The following SYNPR variants were observed in gnomAD, a reference collection of about 807,000 sequenced individuals.
SYNPR encodes synaptoporin.
In SYNPR, 23 loss-of-function variants were observed where a neutral mutation model predicts 32.9. That is an observed-to-expected ratio of 0.70 (90% confidence interval 0.50 to 0.99). The LOEUF is 0.99. SYNPR is among the 50% of genes least tolerant of loss of function. The probability of loss-of-function intolerance (pLI) is 0.00; values close to 1 mark genes in which losing one functional copy is unlikely to be tolerated. For synonymous variants in SYNPR, 146 were observed against 135.9 expected, an observed-to-expected ratio of 1.07 and a Z score of -0.52; for missense variants, 318 against 349.3, an observed-to-expected ratio of 0.91 and a Z score of 0.71.
At chr3:63,357,923 T>C (rs990528536) in intron 2 of SYNPR, among the ~76,000 whole-genome samples, 10 of 152,230 alleles carry the variant, frequency 6.6e-5, no homozygotes, top group African/African-American at 1.9e-4. Context: ...GAGTAGCATT[T>C]AATTGTCATC....
intron 3 of SYNPR, among the ~76,000 whole-genome samples, chr3:63,500,072 A>G (rs143220301): frequency 6.6e-6 from 1 of 152,320 alleles, no homozygotes; most frequent in Non-Finnish European, 1.5e-5. Flanking sequence ...GACAATTTCT[A>G]GCAGGAAATA....
At chr3:63,375,867 C>A (rs977585727) in intron 2 of SYNPR, among the ~76,000 whole-genome samples, 1 of 152,144 alleles carries the variant, frequency 6.6e-6, no homozygotes, top group African/African-American at 2.4e-5. Context: ...ATCCACCAAA[C>A]ATGTCCACTT....
intron 2 of SYNPR, among the ~76,000 whole-genome samples, chr3:63,408,678 A>T (rs1334099970): frequency 6.6e-6 from 1 of 152,124 alleles, no homozygotes; most frequent in Non-Finnish European, 1.5e-5. Context: ...GAGAGCACAC[A>T]TTCACCTTTC....
At chr3:63,543,371 T>C (rs1241140654) in intron 3 of SYNPR, among the ~76,000 whole-genome samples, 1 of 152,118 alleles carries the variant, frequency 6.6e-6, no homozygotes, top group Non-Finnish European at 1.5e-5. Context: ...ATTTGTAGCA[T>C]ATAGTCACAT....
intron 2 of SYNPR, among the ~76,000 whole-genome samples, chr3:63,374,191 C>G (rs1435317508): frequency 6.6e-6 from 1 of 152,110 alleles, no homozygotes; most frequent in Non-Finnish European, 1.5e-5. Flanking sequence ...ATAGATGGCT[C>G]TTATTATTTT....
intron 3 of SYNPR, among the ~76,000 whole-genome samples, chr3:63,535,067 AT>A (rs1702178135): frequency 6.6e-6 from 1 of 152,160 alleles, no homozygotes; most frequent in Non-Finnish European, 1.5e-5. Flanking sequence ...GATCAAACAA[AT>A]TAAGTAACTT....
chr3:63,396,225 C>T (rs1303678493), intron 2 of SYNPR, among the ~76,000 whole-genome samples: 1 of 152,160 alleles, frequency 6.6e-6, no homozygotes, highest in Non-Finnish European at 1.5e-5. Flanking sequence ...TCTAATTGCC[C>T]TTCAAATCAG....
At chr3:63,583,408 T>C (rs879754398) in intron 4 of SYNPR, among the ~76,000 whole-genome samples, 3 of 152,210 alleles carry the variant, frequency 2.0e-5, no homozygotes, top group Non-Finnish European at 4.4e-5. Flanking sequence ...AAATATAAGG[T>C]TATAAGAAAA....
upstream of SYNPR, among the ~76,000 whole-genome samples, chr3:63,275,213 C>A (rs1201103960): frequency 6.6e-6 from 1 of 152,184 alleles, no homozygotes; most frequent in African/African-American, 2.4e-5. Flanking sequence ...GTGTTTATAT[C>A]ATCTGTCCTA....
chr3:63,252,238 G>C (rs1048176840), intron 1 of SYNPR, among the ~76,000 whole-genome samples: 6 of 152,138 alleles, frequency 3.9e-5, no homozygotes, highest in African/African-American at 1.4e-4. Context: ...AATTTCTCTA[G>C]AGACTGAGAT....
At chr3:63,585,521 A>G (rs1194124643) in intron 4 of SYNPR, among the ~76,000 whole-genome samples, 3 of 151,422 alleles carry the variant, frequency 2.0e-5, no homozygotes, top group African/African-American at 7.3e-5. Flanking sequence ...GGGGGGTTGC[A>G]CTGTATAACA....
chr3:63,437,522 G>A (rs1700105963), intron 2 of SYNPR, among the ~76,000 whole-genome samples: 1 of 150,430 alleles, frequency 6.6e-6, no homozygotes, highest in Non-Finnish European at 1.5e-5. Context: ...AGGTAAACAA[G>A]GTTTAAGCAA....
At chr3:63,376,715 T>C (rs1242715557) in intron 2 of SYNPR, among the ~76,000 whole-genome samples, 2 of 152,122 alleles carry the variant, frequency 1.3e-5, no homozygotes, top group East Asian at 1.9e-4. Flanking sequence ...TTAGTTAAGG[T>C]GCTAATTTAT....
intron 4 of SYNPR, among the ~76,000 whole-genome samples, chr3:63,559,306 G>A (rs1702646256): frequency 6.6e-6 from 1 of 151,952 alleles, no homozygotes; most frequent in African/African-American, 2.4e-5. Context: ...TTGAGCTCCT[G>A]GACTCAAGCA....
Position 63,550,650 on chromosome 3 carries a change from C to T in SYNPR, c.210-5893C>T, listed in dbSNP as rs375616164. On this transcript the variant is annotated intron_variant, in intron 3 of 5. Transcript: ENST00000478300. The stretch of plus-strand genomic sequence containing the variant: ...TCCACCACACACAAAGATTGCAGAC[C>T]TAGTTTGTGCATGTCAGCTGAAGGA... 6.8e-4 allele frequency among the ~76,000 whole-genome samples: 103 copies of T among 152,258 alleles called. 1 individual carries two copies. The highest frequency in any genetic ancestry group is 2.3e-3 in the African/African-American group (96 of 41,566).
intron 2 of SYNPR, among the ~76,000 whole-genome samples, chr3:63,351,862 G>A (rs548900147): frequency 9.2e-5 from 14 of 152,150 alleles, no homozygotes; most frequent in Non-Finnish European, 1.6e-4. Context: ...AAGAAGTAGT[G>A]AAAGAATGAA....
intron 2 of SYNPR, among the ~76,000 whole-genome samples, chr3:63,293,785 G>C (rs201613516): frequency 1.5e-5 from 1 of 67,706 alleles, no homozygotes; most frequent in African/African-American, 6.4e-5. Flanking sequence ...TGGTTATACT[G>C]TGTGTGTGTG....
intron 2 of SYNPR, among the ~76,000 whole-genome samples, chr3:63,383,403 G>C (rs1379658061): frequency 6.6e-6 from 1 of 152,048 alleles, no homozygotes; most frequent in South Asian, 2.1e-4. Context: ...ACCTCTCCTG[G>C]AGCAGCATAG....
chr3:63,468,450 G>A (rs552191504), intron 2 of SYNPR, among the ~76,000 whole-genome samples: 1 of 151,370 alleles, frequency 6.6e-6, no homozygotes, highest in Admixed American at 6.6e-5. Context: ...CTTGTGGCCT[G>A]TAGCTGGTAA....
Sources: allele counts gnomAD v4.1 joint callset (sites outside exome capture counted in the v4.1 genomes callset), GRCh38; gene constraint gnomAD v4.1.1; transcripts MANE v1.5; gene names NCBI Gene and HGNC (gene_info 2026-07-23, HGNC 2026-07-21).